Variants in DNAH8 observed in about 807,000 individuals in gnomAD.
DNAH8 encodes the protein axonemal beta dynein heavy chain 8.
A neutral mutation model predicts 562.1 loss-of-function variants in DNAH8; 382 were observed. The ratio of observed to expected loss-of-function variants is 0.68; its 90% CI spans 0.63 to 0.74. DNAH8 has a LOEUF of 0.74. Among genes scored for constraint, DNAH8 ranks in the 30% least tolerant of loss-of-function variants. The pLI is 0.00. For synonymous variants in DNAH8, 1,881 were observed against 1,919.4 expected (o/e 0.98, Z 0.52); for missense variants, 5,203 against 5,620.4 (o/e 0.93, Z 2.37).
intron 75 of DNAH8, among the ~76,000 whole-genome samples, chr6:38,931,092 C>T (rs1487245121): frequency 1.3e-5 from 2 of 152,006 alleles, no homozygotes; most frequent in Non-Finnish European, 2.9e-5. Context: ...TTTAAAAGAT[C>T]CTAGATTTTT....
At chr6:38,812,685 G>A (rs1350078093) in intron 24 of DNAH8, among the ~76,000 whole-genome samples, 1 of 152,056 alleles carries the variant, frequency 6.6e-6, no homozygotes, top group African/African-American at 2.4e-5. Flanking sequence ...TTTAGATGCA[G>A]GTGGATTTCC....
At chr6:38,972,594 T>TTC (rs386406778) in intron 83 of DNAH8, among the ~76,000 whole-genome samples, 21 of 2,602 alleles carry the variant, frequency 8.1e-3, no homozygotes, top group African/African-American at 0.021. Flanking sequence ...GGTGCAAAAC[T>TTC]TTAATTTAAA....
intron 22 of DNAH8, among the ~76,000 whole-genome samples, chr6:38,804,535 C>T (rs77918736): frequency 1.2e-3 from 184 of 152,240 alleles, no homozygotes; most frequent in African/African-American, 4.3e-3. Context: ...GTGAGGCTGG[C>T]TTCGAGCAAG....
intron 12 of DNAH8, among the ~76,000 whole-genome samples, chr6:38,772,478 C>G (rs1045407902): frequency 6.6e-6 from 1 of 152,082 alleles, no homozygotes; most frequent in African/African-American, 2.4e-5. Context: ...TTTTGATGTA[C>G]TTTTGCCCAT....
At chr6:38,800,352 T>C (rs570905613) in intron 21 of DNAH8, among the ~76,000 whole-genome samples, 2 of 152,196 alleles carry the variant, frequency 1.3e-5, no homozygotes, top group Non-Finnish European at 2.9e-5. Flanking sequence ...TCATTTTTCA[T>C]TCCCACCAGC....
intron 8 of DNAH8, among the ~76,000 whole-genome samples, chr6:38,747,947 T>A (rs1219363588): frequency 6.6e-6 from 1 of 152,240 alleles, no homozygotes; most frequent in East Asian, 1.9e-4. Context: ...CATGTTAATG[T>A]GTGCATTATT....
At chr6:38,921,559 G>C (rs1332561110) in intron 71 of DNAH8, 53 bp downstream of exon 71, 3 of 1,559,628 alleles carry the variant, frequency 1.9e-6, no homozygotes, top group Non-Finnish European at 2.6e-6. Context: ...CTTTACACAA[G>C]AGCATGCTAT....
intron 7 of DNAH8, among the ~76,000 whole-genome samples, chr6:38,741,465 A>G (rs2127585649): frequency 6.6e-6 from 1 of 151,682 alleles, no homozygotes; most frequent in Non-Finnish European, 1.5e-5. Context: ...CCCCGACCAA[A>G]AAAAAAAACC....
chr6:38,895,863 A>G (rs1372736427), intron 59 of DNAH8, among the ~76,000 whole-genome samples, 170 bp from the exon 60 acceptor site: 1 of 152,216 alleles, frequency 6.6e-6, no homozygotes, highest in African/African-American at 2.4e-5. Flanking sequence ...TGTTAATGTT[A>G]TAACTTTCTT....
chr6:38,863,143 A>C (rs780110575), intron 44 of DNAH8, among the ~76,000 whole-genome samples: 7 of 152,114 alleles, frequency 4.6e-5, no homozygotes, highest in Non-Finnish European at 8.8e-5. Flanking sequence ...CTATGTTTAA[A>C]ACCAAACTCC....
In DNAH8 at chr6:38,803,599, ATTT is replaced by A. The variant is rs60557580; in HGVS notation, c.3034+301_3034+303del. On this transcript the variant is annotated intron_variant, in intron 22 of 92. Coordinates refer to ENST00000327475, the MANE Select transcript of DNAH8 (RefSeq NM_001206927.2). ...GTCTCAGGCCTGCTATGCTAACTCT[ATTT>A]TTTTTTTTTTTTCTGGTGCAGCATT... Among the ~76,000 whole-genome samples the A allele has an allele frequency of 0.38, 53,192 of 139,018 alleles. 9,718 individuals are homozygous for A. Among genetic ancestry groups the A allele is most frequent in the African/African-American group, 0.45 (17,260 of 37,974 alleles). The allele number at this position is 139,018 out of a possible 152,430, so 91.2% of individuals were successfully genotyped here.
rs34819199 is a variant in DNAH8 at position 38,984,470 on chromosome 6, GCACA to G, written c.13053+186_13053+189del. ...TGCGCTTACACACACGCACACACAT[GCACA>G]CACACACACACACACACACACAACA... On this transcript the variant is annotated intron_variant, in intron 87 of 92. Coordinates refer to ENST00000327475, the MANE Select transcript of DNAH8 (RefSeq NM_001206927.2). The G allele has an allele frequency of 0.25, 127,326 of 504,068 alleles. 12,317 individuals carry two copies. Among genetic ancestry groups the G allele is most frequent in the Non-Finnish European group, 0.3 (84,403 of 278,520 alleles). 31.2% of individuals were successfully genotyped at this position (504,068 alleles called of 1,614,324 possible).
In DNAH8 at chr6:38,929,564, CT is replaced by C; in HGVS notation, c.11174del (p.Leu3725TrpfsTer22). ...GCACACACTTGGAGGACAGCCTTTC[CT>C]TGGGCCGACCCCTTCTCATTGAGGA... ...FRTHLEDSLSLGRPLLIEDIH... is the reference protein window; with the variant it reads ...FRTHLEDSLSXGRPLLIEDIH... On this transcript the variant is annotated frameshift_variant, in exon 75 of 93. Transcript: ENST00000327475. LOFTEE classifies it high-confidence loss of function. The C allele has an allele frequency of 6.2e-7, 1 of 1,612,810 alleles. No individual in the cohort carries two copies. Among genetic ancestry groups the C allele is most frequent in the Non-Finnish European group, 8.5e-7 (1 of 1,179,394 alleles).
chr6:38,941,778 G>T (rs11967549), intron 79 of DNAH8, among the ~76,000 whole-genome samples: 10 of 152,126 alleles, frequency 6.6e-5, no homozygotes, highest in Non-Finnish European at 1.0e-4. Flanking sequence ...GCATTGAAGC[G>T]TGCTGAAATC....
At chr6:38,791,407 A>G (rs531999820) in intron 20 of DNAH8, 148 bp from the exon 21 acceptor site, 5 of 1,010,606 alleles carry the variant, frequency 4.9e-6, no homozygotes, top group Non-Finnish European at 6.9e-6. Flanking sequence ...ATGTCCTCCT[A>G]AAATGTTCAC....
intron 21 of DNAH8, among the ~76,000 whole-genome samples, chr6:38,795,521 A>G (rs920032447): frequency 5.9e-5 from 9 of 151,756 alleles, no homozygotes; most frequent in African/African-American, 2.2e-4. Context: ...CGGAGCTTGC[A>G]GTGAGCTGAG....
chr6:38,812,753 A>G (rs544400584), intron 24 of DNAH8, among the ~76,000 whole-genome samples: 10 of 152,124 alleles, frequency 6.6e-5, no homozygotes, highest in Admixed American at 3.3e-4. Flanking sequence ...AAAAAAGCCT[A>G]TTCTTAAGGT....
In DNAH8 at chr6:38,853,083, GT is replaced by G. The variant is rs1775888374; in HGVS notation, c.5572-100del. ...AATATTTTGTATAAAATATGAAACT[GT>G]TTGCTTGGCATAGGGCACTATGATT... On this transcript the variant is annotated intron_variant, in intron 40 of 92. Coordinates refer to ENST00000327475, the MANE Select transcript of DNAH8 (RefSeq NM_001206927.2). 4.6e-6 allele frequency: 4 copies of G among 872,694 alleles called. No individual in the cohort carries two copies. In the East Asian group the frequency reaches 1.0e-4, roughly 22 times the overall value. The allele number at this position is 872,694 out of a possible 1,614,324, so 54.1% of individuals were successfully genotyped here. A position where few individuals can be genotyped will look rare whatever the true frequency, so the allele number is the denominator to read the frequency against.
rs756780903 is a variant in DNAH8, at chr6:38,935,636, T to C, written c.11502T>C (p.Phe3834=). The C allele has an allele frequency of 6.2e-7, 1 of 1,613,514 alleles. No individual in the cohort carries two copies. Among genetic ancestry groups the C allele is most frequent in the Admixed American group, 1.7e-5 (1 of 59,988 alleles). ...ERVKLLEDVT[F]NKRKMKELED... ...TTAAACTTTTGGAGGATGTTACTTT[T>C]AATAAGCGGAAGATGAAAGAACTTG... Residue 3834 remains phenylalanine (F), a synonymous_variant, in exon 77 of 93, where the codon TTT becomes TTC. Coordinates refer to ENST00000327475, the MANE Select transcript of DNAH8 (RefSeq NM_001206927.2).
Sources: gnomAD v4.1 joint callset for allele counts (sites outside exome capture counted in the v4.1 genomes callset) on GRCh38, gnomAD v4.1.1 for gene constraint, MANE v1.5 for transcripts, NCBI Gene and HGNC (gene_info 2026-07-23, HGNC 2026-07-21) for gene names.